Variants in SLF2 observed in about 807,000 individuals in gnomAD.
SLF2 encodes SMC5/6 complex localization factor 2, also known as SMC5-SMC6 complex localization factor protein 2.
SLF2 carries 68 observed loss-of-function variants against 124.3 expected under a neutral mutation model. The observed-to-expected ratio is 0.55, with a 90% CI of 0.45 to 0.67. The LOEUF (loss-of-function observed/expected upper bound fraction) is 0.67. Ranked by LOEUF, SLF2 falls within the 30% of genes least tolerant of loss-of-function variation. The probability of loss-of-function intolerance (pLI) is 0.00; values close to 1 mark genes in which losing one functional copy is unlikely to be tolerated. For synonymous variants in SLF2, 480 were observed against 478.8 expected (o/e 1.00, Z -0.03); for missense variants, 1,246 against 1,373.7 (o/e 0.91, Z 1.47).
At chr10:100,957,533 G>C (rs1485586425) in intron 18 of SLF2, among the ~76,000 whole-genome samples, 1 of 135,048 alleles carries the variant, frequency 7.4e-6, no homozygotes, top group Non-Finnish European at 1.6e-5. Context: ...TTTTTTTTTT[G>C]TATTTTTAGT....
At chr10:100,950,552 T>G in intron 16 of SLF2, 124 bp from the exon 17 acceptor site, 2 of 774,900 alleles carry the variant, frequency 2.6e-6, no homozygotes, top group Non-Finnish European at 4.2e-6. Flanking sequence ...TTTTACTTAC[T>G]GACCAGCTGG....
intron 11 of SLF2, among the ~76,000 whole-genome samples, chr10:100,940,232 A>G (rs761654369): frequency 1.3e-5 from 2 of 152,356 alleles, no homozygotes; most frequent in African/African-American, 4.8e-5. Context: ...GGTAGTGGCT[A>G]TAGTCACTAT....
chr10:100,941,577 C>T (rs1238174518), intron 11 of SLF2, among the ~76,000 whole-genome samples: 1 of 152,170 alleles, frequency 6.6e-6, no homozygotes, highest in African/African-American at 2.4e-5. Context: ...GTTGCAGGAA[C>T]TCGCTCTCTA....
chr10:100,926,498 A>G (rs1470031265), intron 6 of SLF2: 6 of 384,850 alleles, frequency 1.6e-5, no homozygotes, highest in East Asian at 9.3e-5. Context: ...CAGCTACTCA[A>G]CAGGCTGAGG....
Position 100,938,578 on chromosome 10 carries a change from T to C in SLF2, c.2513-17T>C. The C allele has an allele frequency of 6.2e-7, 1 of 1,600,260 alleles. No homozygotes were observed. The highest frequency in any genetic ancestry group is 1.1e-5 in the South Asian group (1 of 88,194). On this transcript the variant is annotated splice_polypyrimidine_tract_variant and intron_variant, in intron 10 of 19. Coordinates refer to ENST00000238961, the MANE Select transcript of SLF2 (RefSeq NM_018121.4). Reference sequence around the variant, plus strand: ...AGACCACAGATTTAGAATGAAATGTTTTCTTCTGTTAATTAGATACCTTCA... The same window carrying C: ...AGACCACAGATTTAGAATGAAATGTCTTCTTCTGTTAATTAGATACCTTCA...
chr10:100,927,587 T>A (rs1849638119), intron 6 of SLF2, among the ~76,000 whole-genome samples: 1 of 152,198 alleles, frequency 6.6e-6, no homozygotes, highest in African/African-American at 2.4e-5. Context: ...CTCCTTTAGA[T>A]TCTGTTGGGC....
chr10:100,956,653 G>A, intron 18 of SLF2, 116 bp downstream of exon 18: 2 of 705,108 alleles, frequency 2.8e-6, no homozygotes, highest in Non-Finnish European at 4.6e-6. Context: ...GGCTAGGCAT[G>A]GTGGCTCATG....
intron 1 of SLF2, among the ~76,000 whole-genome samples, chr10:100,914,983 A>G (rs1255109920): frequency 6.6e-6 from 1 of 152,186 alleles, no homozygotes; most frequent in Non-Finnish European, 1.5e-5. Context: ...AATTTACCAG[A>G]AAGTTAATTT....
In SLF2 at chr10:100,957,330, ATTTTTTTTTTTTTTTTTTTT is replaced by A. The variant is rs71013477; in HGVS notation, c.3417+811_3417+830del. 1.1e-4 allele frequency among the ~76,000 whole-genome samples: 10 copies of A among 91,818 alleles called. 1 individual carries two copies. Among genetic ancestry groups the A allele is most frequent in the African/African-American group, 1.3e-4 (2 of 15,618 alleles). The allele number at this position is 91,818 out of a possible 152,430, so 60.2% of individuals were successfully genotyped here. A position where few individuals can be genotyped will look rare whatever the true frequency, so the allele number is the denominator to read the frequency against. On this transcript the variant is annotated intron_variant, in intron 18 of 19. Transcript: ENST00000238961. Reference sequence around the variant, plus strand: ...AATATGTTAAAGGAAGGAGTCTTCAATTTTTTTTTTTTTTTTTTTTTTTTTTTTTTTTTTTTTGAGATGGA... The same window carrying A: ...AATATGTTAAAGGAAGGAGTCTTCAATTTTTTTTTTTTTTTTTGAGATGGA...
At chr10:100,919,001 CTTTTTT>C (rs528512219) in intron 4 of SLF2, among the ~76,000 whole-genome samples, 2 of 105,710 alleles carry the variant, frequency 1.9e-5, no homozygotes, top group South Asian at 6.8e-4. Flanking sequence ...GAAACATAAT[CTTTTTT>C]TTTTTTTTTT....
In SLF2 at chr10:100,956,447, A is replaced by C. The variant is rs199860854; in HGVS notation, c.3331-4A>C. ...TTTTCATCCCTTGCATTTGTTTTGC[A>C]CAGAAACACTTTGTGCTACTCTGTG... On this transcript the variant is annotated splice_region_variant and splice_polypyrimidine_tract_variant and intron_variant, in intron 17 of 19. Transcript: ENST00000238961. The C allele has an allele frequency of 6.3e-7, 1 of 1,596,256 alleles. No individual in the cohort carries two copies. The highest frequency in any genetic ancestry group is 1.4e-5 in the African/African-American group (1 of 73,664).
intron 13 of SLF2, among the ~76,000 whole-genome samples, chr10:100,946,054 G>A (rs1564781915): frequency 6.6e-6 from 1 of 152,214 alleles, no homozygotes; most frequent in African/African-American, 2.4e-5. Flanking sequence ...GCAACCATAT[G>A]GAGGATGAAC....
Position 100,945,513 on chromosome 10 carries a change from T to C in SLF2, c.2934+7T>C. 1 of 1,539,672 alleles carries C rather than the reference T, an allele frequency of 6.5e-7. No homozygotes were observed. Among genetic ancestry groups the C allele is most frequent in the Non-Finnish European group, 8.7e-7 (1 of 1,155,104 alleles). ...CAGAGATTGGAACACAAAGGTAATG[T>C]TACTTAAAACTTCATTATTCATTTT... is the stretch of plus-strand genomic sequence containing the variant. On this transcript the variant is annotated splice_region_variant and intron_variant, in intron 13 of 19. Transcript: ENST00000238961.
intron 15 of SLF2, 82 bp from the exon 16 acceptor site, chr10:100,949,994 A>G (rs759478646): frequency 6.2e-6 from 8 of 1,295,524 alleles, no homozygotes; most frequent in Middle Eastern, 2.7e-4. Context: ...AAAATGAAAG[A>G]GTACACACTG....
chr10:100,917,913 C>T (rs1466217934), intron 3 of SLF2, among the ~76,000 whole-genome samples: 2 of 150,780 alleles, frequency 1.3e-5, no homozygotes, highest in Non-Finnish European at 3.0e-5. Context: ...GACCTTGGCT[C>T]TACTACAAAT....
chr10:100,915,646 C>G (rs756022617), intron 1 of SLF2, among the ~76,000 whole-genome samples: 11 of 152,156 alleles, frequency 7.2e-5, no homozygotes, highest in Non-Finnish European at 1.5e-4. Flanking sequence ...CAAGTAGGTT[C>G]ATATGCTGAT....
intron 1 of SLF2, among the ~76,000 whole-genome samples, chr10:100,914,679 A>G (rs1298575515): frequency 1.3e-5 from 2 of 152,196 alleles, no homozygotes; most frequent in East Asian, 3.8e-4. Context: ...TTTGCCTAGT[A>G]TAATTTATGT....
At chr10:100,951,944 T>G (rs1850222197) in intron 17 of SLF2, among the ~76,000 whole-genome samples, 1 of 152,176 alleles carries the variant, frequency 6.6e-6, no homozygotes, top group Non-Finnish European at 1.5e-5. Flanking sequence ...ATTCCTGTTT[T>G]AAAACTTAGG....
intron 13 of SLF2, among the ~76,000 whole-genome samples, chr10:100,946,497 C>G (rs1252337458): frequency 3.3e-5 from 5 of 151,850 alleles, no homozygotes; most frequent in African/African-American, 1.2e-4. Context: ...CAGCTAATTT[C>G]TGTGTATTTA....
Sources: allele counts gnomAD v4.1 joint callset (sites outside exome capture counted in the v4.1 genomes callset), GRCh38; gene constraint gnomAD v4.1.1; transcripts MANE v1.5; gene names NCBI Gene and HGNC (gene_info 2026-07-23, HGNC 2026-07-21).